The following AGBL1 variants were observed in gnomAD, a reference collection of about 807,000 sequenced individuals.
AGBL1 encodes cytosolic carboxypeptidase 4.
In AGBL1, 130 loss-of-function variants were observed where a neutral mutation model predicts 118.9. The ratio of observed to expected loss-of-function variants is 1.09; its 90% CI spans 0.95 to 1.26. The LOEUF (loss-of-function observed/expected upper bound fraction) is 1.26, where lower values mean the gene tolerates loss of function less well. Among genes scored for constraint, AGBL1 ranks in the 50% most tolerant of loss-of-function variants. The pLI, the probability that AGBL1 is intolerant of heterozygous loss-of-function variation, is 0.00. For missense variants in AGBL1, 1,584 were observed against 1,298.1 expected (o/e 1.22, Z -3.38); for synonymous variants, 555 against 478.9 (o/e 1.16, Z -2.08).
chr15:86,495,104 C>T (rs923307179), intron 18 of AGBL1, among the ~76,000 whole-genome samples: 1 of 123,444 alleles, frequency 8.1e-6, no homozygotes, highest in African/African-American at 3.4e-5. Context: ...GTCTCGCTCA[C>T]TCTCTCTCTC....
At chr15:86,468,202 G>A (rs374118803) in intron 18 of AGBL1, among the ~76,000 whole-genome samples, 51 of 152,088 alleles carry the variant, frequency 3.4e-4, no homozygotes, top group African/African-American at 9.2e-4. Flanking sequence ...CCTCCTCTCC[G>A]CAAGAAGAAA....
At chr15:86,214,974 G>C (rs1597567027) in intron 5 of AGBL1, among the ~76,000 whole-genome samples, 2 of 152,308 alleles carry the variant, frequency 1.3e-5, no homozygotes, top group South Asian at 4.1e-4. Context: ...CATCTGGATA[G>C]AGTTGTAGGG....
chr15:86,352,248 G>C (rs2080639474), intron 17 of AGBL1, among the ~76,000 whole-genome samples: 1 of 152,192 alleles, frequency 6.6e-6, no homozygotes, highest in Admixed American at 6.5e-5. Flanking sequence ...TTAATACTCT[G>C]AGAGATGAAC....
chr15:86,243,403 G>C (rs2078669176), intron 6 of AGBL1, among the ~76,000 whole-genome samples: 2 of 152,190 alleles, frequency 1.3e-5, no homozygotes, highest in Non-Finnish European at 2.9e-5. Flanking sequence ...GTTTCAGACT[G>C]AGAATTAGCT....
rs539522151 is a variant in AGBL1, at chr15:86,943,191, G to A, written c.3222-44796G>A. Among the ~76,000 whole-genome samples, 8 of 152,234 alleles carry A rather than the reference G, an allele frequency of 5.3e-5. No individual in the cohort carries two copies. In the East Asian group the frequency reaches 5.8e-4, roughly 11 times the overall value. ...TAACCTAAGTCTCATACAAATTAAA[G>A]AGTCCTGTTCTATCTTGAAACTACC... On this transcript the variant is annotated intron_variant, in intron 23 of 24. Coordinates refer to the AGBL1 transcript ENST00000441037.
At chr15:86,402,900 C>A (rs1337714214) in intron 18 of AGBL1, among the ~76,000 whole-genome samples, 1 of 151,982 alleles carries the variant, frequency 6.6e-6, no homozygotes, top group Non-Finnish European at 1.5e-5. Flanking sequence ...AACAAACAAA[C>A]AAACAAACAT....
At chr15:86,134,958 G>A (rs906590266) in intron 1 of AGBL1, among the ~76,000 whole-genome samples, 1 of 151,646 alleles carries the variant, frequency 6.6e-6, no homozygotes, top group Non-Finnish European at 1.5e-5. Context: ...GCTATGTTTT[G>A]AATATGATTT....
chr15:86,430,907 C>T (rs1367646), intron 18 of AGBL1, among the ~76,000 whole-genome samples: 19,613 of 152,120 alleles, frequency 0.13, 1,338 homozygotes, highest in Admixed American at 0.17. Flanking sequence ...TTTTATACTA[C>T]AAAATCTCTT....
chr15:86,737,707 C>T (rs2077621630), intron 22 of AGBL1, among the ~76,000 whole-genome samples: 1 of 152,186 alleles, frequency 6.6e-6, no homozygotes, highest in Non-Finnish European at 1.5e-5. Flanking sequence ...CATACTGCTG[C>T]TCTGCTCCTT....
intron 18 of AGBL1, among the ~76,000 whole-genome samples, chr15:86,451,278 G>C (rs1346227744): frequency 6.6e-6 from 1 of 152,150 alleles, no homozygotes; most frequent in Non-Finnish European, 1.5e-5. Context: ...AAGCTAAGAA[G>C]AGAAAGAGTG....
intron 18 of AGBL1, among the ~76,000 whole-genome samples, chr15:86,498,280 G>C (rs1201872938): frequency 6.6e-5 from 10 of 151,810 alleles, no homozygotes; most frequent in Admixed American, 6.6e-4. Context: ...TGGTTGGCAG[G>C]CTTCAATAAC....
intron 24 of AGBL1, among the ~76,000 whole-genome samples, chr15:86,994,274 T>C (rs921653561): frequency 1.3e-5 from 2 of 151,906 alleles, no homozygotes; most frequent in East Asian, 3.9e-4. Flanking sequence ...TGAACAACTT[T>C]GAAAAGCCTA....
At chr15:86,821,952 GTGC>G (rs2141390060) in intron 22 of AGBL1, among the ~76,000 whole-genome samples, 1 of 152,168 alleles carries the variant, frequency 6.6e-6, no homozygotes, top group South Asian at 2.1e-4. Flanking sequence ...CCTCATACCT[GTGC>G]TGGTCACCTT....
intron 23 of AGBL1, among the ~76,000 whole-genome samples, chr15:86,927,364 G>A (rs2080554022): frequency 6.6e-6 from 1 of 151,278 alleles, no homozygotes; most frequent in Admixed American, 6.6e-5. Flanking sequence ...TGAGGTGGGA[G>A]GATCACTTGA....
Position 86,590,222 on chromosome 15 carries a change from G to A in AGBL1, c.2994+35685G>A, listed in dbSNP as rs2084314846. ...GGAGAGAAGAGGAGACTTGGTTTGTGATATGGTTTATCTGTGTCCCCACCC... is the reference window on the plus strand; with the variant it reads ...GGAGAGAAGAGGAGACTTGGTTTGTAATATGGTTTATCTGTGTCCCCACCC... On this transcript the variant is annotated intron_variant, in intron 21 of 22. Coordinates refer to ENST00000614907, the MANE Select transcript of AGBL1 (RefSeq NM_001386094.1). 2.0e-5 allele frequency among the ~76,000 whole-genome samples: 3 copies of A among 152,252 alleles called. No homozygotes were observed. In the South Asian group the frequency reaches 6.2e-4, roughly 32 times the overall value.
At chr15:86,409,782 T>A (rs756442011) in intron 18 of AGBL1, among the ~76,000 whole-genome samples, 1 of 152,130 alleles carries the variant, frequency 6.6e-6, no homozygotes, top group Non-Finnish European at 1.5e-5. Context: ...GGAAATGCAC[T>A]TGTTTTGTTC....
chr15:86,754,439 T>A (rs1211264238), intron 22 of AGBL1, among the ~76,000 whole-genome samples: 3 of 151,988 alleles, frequency 2.0e-5, no homozygotes, highest in Non-Finnish European at 4.4e-5. Flanking sequence ...GATGTCTGGG[T>A]TTTGTTTATT....
At chr15:87,006,702 C>G (rs2141772209) in intron 24 of AGBL1, among the ~76,000 whole-genome samples, 1 of 152,188 alleles carries the variant, frequency 6.6e-6, no homozygotes, top group East Asian at 1.9e-4. Context: ...CACTGTCCAA[C>G]AAGCCCCAGT....
intron 22 of AGBL1, among the ~76,000 whole-genome samples, chr15:86,747,641 A>C (rs1418273582): frequency 2.0e-5 from 3 of 151,898 alleles, no homozygotes; most frequent in Non-Finnish European, 2.9e-5. Flanking sequence ...CCCACACCCC[A>C]CAACAGGCCC....
Sources: allele counts gnomAD v4.1 joint callset (sites outside exome capture counted in the v4.1 genomes callset), GRCh38; gene constraint gnomAD v4.1.1; transcripts MANE v1.5; gene names NCBI Gene and HGNC (gene_info 2026-07-23, HGNC 2026-07-21).